The following CRPPA variants were observed in gnomAD, a reference collection of about 807,000 sequenced individuals.
CRPPA encodes the protein CDP-L-ribitol pyrophosphorylase A, also known as D-ribitol-5-phosphate cytidylyltransferase.
A neutral mutation model predicts 52.0 loss-of-function variants in CRPPA; 43 were observed. The observed-to-expected ratio is 0.83, with a 90% confidence interval of 0.65 to 1.07. The LOEUF (loss-of-function observed/expected upper bound fraction) is 1.07, where lower values mean the gene tolerates loss of function less well. CRPPA is among the 50% of genes least tolerant of loss of function. The probability of loss-of-function intolerance (pLI) is 0.00; values close to 1 mark genes in which losing one functional copy is unlikely to be tolerated. For missense variants in CRPPA, 629 were observed against 551.7 expected, an observed-to-expected ratio of 1.14 and a Z score of -1.40; for synonymous variants, 250 against 203.5, an observed-to-expected ratio of 1.23 and a Z score of -1.94.
At chr7:16,152,393 C>A (rs1209387230) in intron 9 of CRPPA, among the ~76,000 whole-genome samples, 1 of 151,834 alleles carries the variant, frequency 6.6e-6, no homozygotes, top group Non-Finnish European at 1.5e-5. Flanking sequence ...TGAACTATAA[C>A]ACACTCAAGA....
intron 3 of CRPPA, among the ~76,000 whole-genome samples, chr7:16,316,290 G>A (rs368001842): frequency 2.1e-4 from 32 of 152,174 alleles, no homozygotes; most frequent in African/African-American, 7.7e-4. Flanking sequence ...AGTTATCTCT[G>A]GGAGACAGAA....
At chr7:16,143,320 A>G (rs898883411) in intron 9 of CRPPA, among the ~76,000 whole-genome samples, 6 of 152,194 alleles carry the variant, frequency 3.9e-5, no homozygotes, top group African/African-American at 1.2e-4. Context: ...ATCACAAGAC[A>G]CTCAAGGAAT....
At chr7:16,114,282 A>T (rs957942632) in intron 9 of CRPPA, among the ~76,000 whole-genome samples, 1 of 139,936 alleles carries the variant, frequency 7.1e-6, no homozygotes, top group African/African-American at 2.5e-5. Flanking sequence ...AGATCAAAGT[A>T]GACACGCACA....
chr7:16,316,382 A>C (rs1210720960), intron 3 of CRPPA, among the ~76,000 whole-genome samples: 1 of 152,134 alleles, frequency 6.6e-6, no homozygotes, highest in East Asian at 1.9e-4. Context: ...TTGCCCAAAA[A>C]AGTTATATTG....
At chr7:16,389,921 A>AT (rs1787392223) in intron 2 of CRPPA, among the ~76,000 whole-genome samples, 2 of 80,978 alleles carry the variant, frequency 2.5e-5, no homozygotes, top group South Asian at 4.7e-4. Context: ...TACAAAAAAA[A>AT]AAAAAAAATA....
chr7:16,294,520 T>C (rs1413560665), intron 5 of CRPPA, among the ~76,000 whole-genome samples: 3 of 151,994 alleles, frequency 2.0e-5, no homozygotes, highest in African/African-American at 7.2e-5. Context: ...TCTTAAATCC[T>C]GTTGCTGCCT....
At chr7:16,380,833 G>C (rs1032055879) in intron 2 of CRPPA, among the ~76,000 whole-genome samples, 11 of 152,238 alleles carry the variant, frequency 7.2e-5, no homozygotes, top group African/African-American at 2.6e-4. Flanking sequence ...GATCAGTGGT[G>C]ATATCCCCTT....
At chr7:16,417,377 C>G (rs1207283090) in intron 1 of CRPPA, among the ~76,000 whole-genome samples, 1 of 152,170 alleles carries the variant, frequency 6.6e-6, no homozygotes, top group Admixed American at 6.5e-5. Context: ...ATAGCAAACA[C>G]AGGGAATCAA....
chr7:16,209,356 A>T (rs2128395733), intron 9 of CRPPA: 1 of 161,568 alleles, frequency 6.2e-6, no homozygotes, highest in South Asian at 1.3e-4. Context: ...TGCAGCCTCT[A>T]CTTCCCAGGG....
intron 3 of CRPPA, among the ~76,000 whole-genome samples, chr7:16,365,820 C>A (rs1037862772): frequency 1.1e-4 from 17 of 152,140 alleles, no homozygotes; most frequent in Non-Finnish European, 2.2e-4. Context: ...CAAACAGATT[C>A]AAATATATTT....
At chr7:16,107,327 A>G (rs1402720929) in intron 9 of CRPPA, among the ~76,000 whole-genome samples, 1 of 152,164 alleles carries the variant, frequency 6.6e-6, no homozygotes, top group Non-Finnish European at 1.5e-5. Flanking sequence ...CACATAATGA[A>G]CTATCAAAAT....
chr7:16,243,875 G>T (rs958671602), intron 8 of CRPPA, among the ~76,000 whole-genome samples: 1 of 152,132 alleles, frequency 6.6e-6, no homozygotes, highest in African/African-American at 2.4e-5. Flanking sequence ...GCTGAGGCAG[G>T]AGGATCACTT....
intron 1 of CRPPA, among the ~76,000 whole-genome samples, chr7:16,409,577 A>G (rs1788031487): frequency 6.6e-6 from 1 of 152,224 alleles, no homozygotes; most frequent in Non-Finnish European, 1.5e-5. Context: ...AATCATCTAC[A>G]TGAGTCAGGA....
chr7:16,098,733 C>T (rs913735501), intron 9 of CRPPA, among the ~76,000 whole-genome samples: 12 of 152,100 alleles, frequency 7.9e-5, no homozygotes, highest in African/African-American at 2.9e-4. Context: ...TTTTTGTAAA[C>T]ATTTTGCTGA....
intron 6 of CRPPA, among the ~76,000 whole-genome samples, chr7:16,262,663 T>C (rs1341237597): frequency 2.0e-5 from 3 of 152,198 alleles, no homozygotes; most frequent in African/African-American, 4.8e-5. Context: ...TCTGTCTCTA[T>C]GAGATGCCAC....
At chr7:16,244,954 G>T (rs1783229158) in intron 8 of CRPPA, among the ~76,000 whole-genome samples, 1 of 151,724 alleles carries the variant, frequency 6.6e-6, no homozygotes, top group Non-Finnish European at 1.5e-5. Context: ...ATTTTCTGAT[G>T]AATAAAACCT....
intron 5 of CRPPA, among the ~76,000 whole-genome samples, chr7:16,293,389 T>C (rs1244497588): frequency 6.6e-6 from 1 of 151,986 alleles, no homozygotes; most frequent in East Asian, 1.9e-4. Flanking sequence ...TTCTATTGCA[T>C]TCTTTGAATC....
chr7:16,333,078 T>C (rs1220428664), intron 3 of CRPPA, among the ~76,000 whole-genome samples: 1 of 152,156 alleles, frequency 6.6e-6, no homozygotes. Context: ...ATAATAATCT[T>C]CAATGTGCCT....
At chr7:16,344,404 C>T (rs1376230481) in intron 3 of CRPPA, among the ~76,000 whole-genome samples, 2 of 36,800 alleles carry the variant, frequency 5.4e-5, no homozygotes, top group Admixed American at 2.6e-4. Flanking sequence ...CTATCTCTAC[C>T]CAAAAAAAAA....
Sources: allele counts gnomAD v4.1 joint callset (sites outside exome capture counted in the v4.1 genomes callset), GRCh38; gene constraint gnomAD v4.1.1; transcripts MANE v1.5; gene names NCBI Gene and HGNC (gene_info 2026-07-23, HGNC 2026-07-21).